The following LGR5 variants were observed in gnomAD, a reference collection of about 807,000 sequenced individuals.
LGR5 encodes leucine-rich repeat-containing G protein-coupled receptor 5.
A neutral mutation model predicts 76.7 loss-of-function variants in LGR5; 54 were observed. That is an observed-to-expected ratio of 0.70 (90% CI 0.57 to 0.88). The LOEUF (loss-of-function observed/expected upper bound fraction) is 0.88, where lower values mean the gene tolerates loss of function less well. Ranked by LOEUF, LGR5 falls within the 40% of genes least tolerant of loss-of-function variation. The pLI is 0.00. For synonymous variants in LGR5, 406 were observed against 421.9 expected, an observed-to-expected ratio of 0.96 and a Z score of 0.46; for missense variants, 1,078 against 1,073.3, an observed-to-expected ratio of 1.00 and a Z score of -0.06.
At chr12:71,465,469 G>A (rs4489843) in intron 1 of LGR5, among the ~76,000 whole-genome samples, 75,567 of 151,824 alleles carry the variant, frequency 0.5, 20,358 homozygotes, top group East Asian at 0.83. Context: ...TCATATGTGC[G>A]TGCATTTCTA....
rs1879297830 is a variant in LGR5 at position 71,585,880 on chromosome 12, A to G, written c.*1146A>G. 6.6e-6 allele frequency: 1 copy of G among 152,234 alleles called. No homozygotes were observed. The highest frequency in any genetic ancestry group is 1.5e-5 in the Non-Finnish European group (1 of 68,040). The allele number at this position is 152,234 out of a possible 1,614,324, so 9.4% of individuals were successfully genotyped here. On this transcript the variant is annotated 3_prime_UTR_variant, in exon 18 of 18. Transcript: ENST00000266674. ...ATATTAATACTGTGTTAGGTATTTT[A>G]AGAAGCAAGTTATTAAATAAGAAAA...
At chr12:71,573,100 A>G (rs1878689502) in intron 13 of LGR5, 179 bp downstream of exon 13, 1 of 517,310 alleles carries the variant, frequency 1.9e-6, no homozygotes, top group Non-Finnish European at 3.4e-6. Context: ...TAAAAGTAGT[A>G]AATTTGCAAT....
intron 1 of LGR5, among the ~76,000 whole-genome samples, chr12:71,471,120 A>G (rs1377667405): frequency 6.6e-6 from 1 of 152,226 alleles, no homozygotes; most frequent in African/African-American, 2.4e-5. Context: ...TTTATCAGGA[A>G]GGCAAATTAT....
intron 2 of LGR5, among the ~76,000 whole-genome samples, chr12:71,513,624 A>C (rs954713214): frequency 2.0e-5 from 3 of 151,918 alleles, no homozygotes; most frequent in African/African-American, 4.8e-5. Flanking sequence ...TGTTATAAAC[A>C]AATAGCATCA....
At chr12:71,479,535 TC>T in intron 1 of LGR5, among the ~76,000 whole-genome samples, 1 of 151,898 alleles carries the variant, frequency 6.6e-6, no homozygotes, top group Admixed American at 6.6e-5. Flanking sequence ...CACAAACTTT[TC>T]TAAGTGAAAA....
At chr12:71,444,356 A>AT (rs1288083192) in intron 1 of LGR5, among the ~76,000 whole-genome samples, 2 of 151,764 alleles carry the variant, frequency 1.3e-5, no homozygotes, top group Non-Finnish European at 2.9e-5. Flanking sequence ...ATTCCTGGGG[A>AT]TTTTTTCCAT....
chr12:71,484,770 A>G (rs527898186), intron 1 of LGR5, among the ~76,000 whole-genome samples: 2 of 152,296 alleles, frequency 1.3e-5, no homozygotes, highest in African/African-American at 2.4e-5. Flanking sequence ...CTACATCTAC[A>G]TCTATCATTT....
chr12:71,450,554 C>T (rs1872206244), intron 1 of LGR5, among the ~76,000 whole-genome samples: 1 of 152,178 alleles, frequency 6.6e-6, no homozygotes, highest in African/African-American at 2.4e-5. Flanking sequence ...AAGTAATTAT[C>T]CACCTCAGCC....
At chr12:71,489,980 C>T (rs1873994353) in intron 1 of LGR5, among the ~76,000 whole-genome samples, 1 of 152,044 alleles carries the variant, frequency 6.6e-6, no homozygotes, top group Non-Finnish European at 1.5e-5. Flanking sequence ...TCCGAAGTAG[C>T]TGGGACTATA....
chr12:71,552,074 G>A (rs1565747576), intron 4 of LGR5, among the ~76,000 whole-genome samples: 2 of 151,748 alleles, frequency 1.3e-5, no homozygotes, highest in Non-Finnish European at 2.9e-5. Context: ...TCATACATGG[G>A]GGCCTGTCGG....
intron 2 of LGR5, among the ~76,000 whole-genome samples, chr12:71,508,381 C>G (rs1295795100): frequency 6.6e-6 from 1 of 152,032 alleles, no homozygotes; most frequent in Non-Finnish European, 1.5e-5. Context: ...CATGGCTAAG[C>G]CTTAACAAAG....
At chr12:71,522,914 C>G (rs1164006760) in intron 2 of LGR5, among the ~76,000 whole-genome samples, 1 of 152,160 alleles carries the variant, frequency 6.6e-6, no homozygotes, top group African/African-American at 2.4e-5. Context: ...CAGCACAAAG[C>G]AAGTTAGTGC....
intron 16 of LGR5, among the ~76,000 whole-genome samples, chr12:71,581,703 C>G (rs1341121523): frequency 6.6e-6 from 1 of 152,172 alleles, no homozygotes; most frequent in African/African-American, 2.4e-5. Context: ...CATAAAAACA[C>G]AAGCAAAAAG....
intron 6 of LGR5, 80 bp downstream of exon 6, chr12:71,556,770 G>C: frequency 8.8e-7 from 1 of 1,134,982 alleles, no homozygotes; most frequent in Non-Finnish European, 1.3e-6. Flanking sequence ...CTTAAAGCCA[G>C]ACTTTGTTTG....
rs368521464 is a variant in LGR5, at chr12:71,446,768, G to A, written c.212+6476G>A. Among the ~76,000 whole-genome samples the A allele has an allele frequency of 6.7e-4, 102 of 152,232 alleles. 4 individuals are homozygous for A. The South Asian group carries it at 0.02, about 30-fold the overall frequency. ...AAATATTTTTTCAGGGAATTCCAGAGCAAAATGCAGTTTTCAATTTTCCAA... is the reference window on the plus strand; with the variant it reads ...AAATATTTTTTCAGGGAATTCCAGAACAAAATGCAGTTTTCAATTTTCCAA... On this transcript the variant is annotated intron_variant, in intron 1 of 17. Transcript: ENST00000266674.
chr12:71,526,254 A>G (rs1021745819), intron 3 of LGR5, among the ~76,000 whole-genome samples: 1 of 152,176 alleles, frequency 6.6e-6, no homozygotes, highest in Non-Finnish European at 1.5e-5. Context: ...TTGTGCCTTC[A>G]TATCTGATAT....
At chr12:71,449,711 G>A (rs1872171548) in intron 1 of LGR5, among the ~76,000 whole-genome samples, 1 of 152,102 alleles carries the variant, frequency 6.6e-6, no homozygotes, top group African/African-American at 2.4e-5. Context: ...ATAATTAGTT[G>A]TATATTACAA....
intron 3 of LGR5, among the ~76,000 whole-genome samples, chr12:71,530,109 G>A (rs1244460943): frequency 6.6e-6 from 1 of 151,844 alleles, no homozygotes; most frequent in Non-Finnish European, 1.5e-5. Context: ...ATACATTTAG[G>A]GCACAACAAT....
At chr12:71,444,997 A>G (rs1871920094) in intron 1 of LGR5, among the ~76,000 whole-genome samples, 1 of 152,144 alleles carries the variant, frequency 6.6e-6, no homozygotes, top group Admixed American at 6.5e-5. Context: ...TTTAGCTACA[A>G]ATTTAAGTAT....
Sources: allele counts gnomAD v4.1 joint callset (sites outside exome capture counted in the v4.1 genomes callset), GRCh38; gene constraint gnomAD v4.1.1; transcripts MANE v1.5; gene names NCBI Gene and HGNC (gene_info 2026-07-23, HGNC 2026-07-21).